The following PHYH variants were observed in gnomAD, a reference collection of about 807,000 sequenced individuals.
The protein encoded by PHYH is phytanoyl-CoA dioxygenase, peroxisomal.
In PHYH, 32 loss-of-function variants were observed where a neutral mutation model predicts 38.5. The ratio of observed to expected loss-of-function variants is 0.83; its 90% CI spans 0.63 to 1.12. PHYH has a LOEUF of 1.12. Ranked by LOEUF, PHYH falls within the 50% of genes most tolerant of loss-of-function variation. The pLI is 0.00. For missense variants in PHYH, 426 were observed against 434.8 expected, an observed-to-expected ratio of 0.98 and a Z score of 0.18; for synonymous variants, 166 against 157.9, an observed-to-expected ratio of 1.05 and a Z score of -0.38.
chr10:13,289,357 G>A (rs1011655721), intron 5 of PHYH, among the ~76,000 whole-genome samples: 5 of 151,832 alleles, frequency 3.3e-5, no homozygotes, highest in Admixed American at 1.3e-4. Context: ...CACCACGCCC[G>A]GCTAATTTTT....
At chr10:13,283,668 G>T (rs1195084053) in intron 7 of PHYH, 22 bp downstream of exon 7, 4 of 1,610,186 alleles carry the variant, frequency 2.5e-6, no homozygotes, top group Non-Finnish European at 2.6e-6. Context: ...TCTGCAGCAG[G>T]TGCAGCAATG....
At chr10:13,299,903 G>C in intron 1 of PHYH, 65 bp downstream of exon 1, 1 of 1,482,306 alleles carries the variant, frequency 6.7e-7, no homozygotes, top group Non-Finnish European at 8.9e-7. Flanking sequence ...CCGGACCAGG[G>C]CCACCACTCA....
chr10:13,282,114 G>A (rs975664217), intron 7 of PHYH, among the ~76,000 whole-genome samples: 1 of 151,988 alleles, frequency 6.6e-6, no homozygotes, highest in African/African-American at 2.4e-5. Context: ...AGCCAGGTGT[G>A]GTCATGCATG....
At chr10:13,287,319 C>A (rs1835577087) in intron 6 of PHYH, among the ~76,000 whole-genome samples, 1 of 151,676 alleles carries the variant, frequency 6.6e-6, no homozygotes, top group Admixed American at 6.6e-5. Flanking sequence ...AGCCTGGTGA[C>A]AGAGTGAGAC....
chr10:13,288,298 T>C (rs1343957884), intron 6 of PHYH, 62 bp downstream of exon 6: 11 of 1,403,776 alleles, frequency 7.8e-6, no homozygotes, highest in Middle Eastern at 4.8e-4. Flanking sequence ...TTAGAGGTAC[T>C]GATGTGAAAC....
At chr10:13,298,780 C>CTAA (rs148321965) in intron 1 of PHYH, among the ~76,000 whole-genome samples, 68 of 140,946 alleles carry the variant, frequency 4.8e-4, no homozygotes, top group African/African-American at 1.7e-3. Flanking sequence ...ACTACTACTA[C>CTAA]TAATAATAAT....
At chr10:13,296,831 T>C (rs1230080949) in intron 2 of PHYH, among the ~76,000 whole-genome samples, 2 of 151,376 alleles carry the variant, frequency 1.3e-5, no homozygotes, top group Non-Finnish European at 2.9e-5. Flanking sequence ...GTCTGGCGCC[T>C]GTAGTCCAGC....
intron 1 of PHYH, chr10:13,299,735 C>T (rs1485899039): frequency 3.1e-6 from 4 of 1,306,424 alleles, no homozygotes; most frequent in Non-Finnish European, 2.9e-6. Flanking sequence ...CAGGGCAACG[C>T]GGCAATTGCC....
chr10:13,292,506 C>T (rs1039656889), intron 4 of PHYH, among the ~76,000 whole-genome samples: 1 of 152,100 alleles, frequency 6.6e-6, no homozygotes, highest in Non-Finnish European at 1.5e-5. Flanking sequence ...GGCCGAGGGA[C>T]ACTGCATTAT....
At chr10:13,285,086 AG>A in intron 6 of PHYH, among the ~76,000 whole-genome samples, 1 of 152,282 alleles carries the variant, frequency 6.6e-6, no homozygotes, top group South Asian at 2.1e-4. Flanking sequence ...TTCACTGATG[AG>A]TTTCACATTA....
chr10:13,287,327 G>A lies in PHYH; in HGVS notation c.678+1033C>T, dbSNP rs528286686. Reference sequence around the variant, plus strand: ...ACACTCTAGCCTGGTGACAGAGTGAGACTCCTCAAAAACAAAACAAAACAA... The same window carrying A: ...ACACTCTAGCCTGGTGACAGAGTGAAACTCCTCAAAAACAAAACAAAACAA... On this transcript the variant is annotated intron_variant, in intron 6 of 8. Transcript: ENST00000263038. 1.6e-3 allele frequency among the ~76,000 whole-genome samples: 244 copies of A among 149,990 alleles called. 1 individual carries two copies. Among genetic ancestry groups the A allele is most frequent in the Non-Finnish European group, 3.0e-3 (203 of 67,598 alleles).
chr10:13,281,162 G>A, intron 7 of PHYH, 52 bp from the exon 8 acceptor site: 1 of 1,584,818 alleles, frequency 6.3e-7, no homozygotes, highest in Non-Finnish European at 8.7e-7. Flanking sequence ...ATGAATACCA[G>A]TGACCAAGCA....
At chr10:13,293,446 C>T (rs528316838) in intron 4 of PHYH, among the ~76,000 whole-genome samples, 8 of 152,096 alleles carry the variant, frequency 5.3e-5, no homozygotes, top group Admixed American at 3.3e-4. Flanking sequence ...GGATTACAGG[C>T]GCCCGCCACC....
chr10:13,299,240 T>C (rs1258267208), intron 1 of PHYH, among the ~76,000 whole-genome samples: 1 of 152,184 alleles, frequency 6.6e-6, no homozygotes, highest in Non-Finnish European at 1.5e-5. Context: ...TTCTTTAGCT[T>C]AATCGGTTAC....
Position 13,278,197 on chromosome 10 carries a change from A to G in PHYH, c.*104T>C. On this transcript the variant is annotated 3_prime_UTR_variant, in exon 9 of 9. Transcript: ENST00000263038. The stretch of plus-strand genomic sequence containing the variant: ...ACCTGATACATGTTTTCTGCTTTTA[A>G]CAAGTGATAGAAAAGGTTACATCAT... 1 of 801,476 alleles carries G rather than the reference A, an allele frequency of 1.2e-6. No individual in the cohort carries two copies. The highest frequency in any genetic ancestry group is 2.2e-6 in the Non-Finnish European group (1 of 453,958). The allele number at this position is 801,476 out of a possible 1,614,324, so 49.6% of individuals were successfully genotyped here.
Position 13,294,674 on chromosome 10 carries a change from TGCA to T in PHYH, c.246-81_246-79del. 2.3e-6 allele frequency: 3 copies of T among 1,304,422 alleles called. No homozygotes were observed. In the South Asian group the frequency reaches 3.6e-5, roughly 15 times the overall value. The allele number at this position is 1,304,422 out of a possible 1,614,324, so 80.8% of individuals were successfully genotyped here. On this transcript the variant is annotated intron_variant, in intron 3 of 8. Transcript: ENST00000263038. The stretch of plus-strand genomic sequence containing the variant: ...CCCTGCCCTCCTCTGTGGAAAGGGT[TGCA>T]GACTTGAGGGGTGGTTTCTCTGCAC...
chr10:13,289,602 T>C (rs1835652696), intron 5 of PHYH, among the ~76,000 whole-genome samples: 1 of 151,802 alleles, frequency 6.6e-6, no homozygotes, highest in Non-Finnish European at 1.5e-5. Flanking sequence ...TGATATGGAG[T>C]CAAGTTTGAA....
chr10:13,288,321 G>A (rs376640265), intron 6 of PHYH, 39 bp downstream of exon 6: 45 of 1,584,948 alleles, frequency 2.8e-5, no homozygotes, highest in Non-Finnish European at 3.6e-5. Context: ...AAACTGCGAA[G>A]GAGATTCGGA....
chr10:13,292,273 G>A (rs184865077), intron 4 of PHYH, among the ~76,000 whole-genome samples: 109 of 152,292 alleles, frequency 7.2e-4, no homozygotes, highest in African/African-American at 2.5e-3. Flanking sequence ...CTCTGCATAC[G>A]AAGAGTCCCA....
Sources: gnomAD v4.1 joint callset for allele counts (sites outside exome capture counted in the v4.1 genomes callset) on GRCh38, gnomAD v4.1.1 for gene constraint, MANE v1.5 for transcripts, NCBI Gene and HGNC (gene_info 2026-07-23, HGNC 2026-07-21) for gene names.